The following EPHA3 variants were observed in gnomAD, a reference collection of about 807,000 sequenced individuals.
The protein encoded by EPHA3 is ephrin type-A receptor 3.
EPHA3 carries 42 observed loss-of-function variants against 107.1 expected under a neutral mutation model. That is an observed-to-expected ratio of 0.39 (90% confidence interval 0.31 to 0.51). The LOEUF is 0.51. Ranked by LOEUF, EPHA3 falls within the 20% of genes least tolerant of loss-of-function variation. EPHA3 has a pLI of 0.78. For synonymous variants in EPHA3, 461 were observed against 424.8 expected, an observed-to-expected ratio of 1.09 and a Z score of -1.05; for missense variants, 1,183 against 1,211.2, an observed-to-expected ratio of 0.98 and a Z score of 0.35.
intron 13 of EPHA3, among the ~76,000 whole-genome samples, chr3:89,433,629 A>G (rs73139257): frequency 0.23 from 34,292 of 152,090 alleles, 4,140 homozygotes; most frequent in Non-Finnish European, 0.25. Flanking sequence ...TATTTTTTAA[A>G]AAGTCCTTAG....
intron 5 of EPHA3, among the ~76,000 whole-genome samples, chr3:89,350,997 G>A (rs1463022127): frequency 6.6e-6 from 1 of 151,368 alleles, no homozygotes; most frequent in African/African-American, 2.4e-5. Flanking sequence ...GCTGCGTGTT[G>A]GGAGAACCAC....
Position 89,354,126 on chromosome 3 carries a change from T to C in EPHA3, c.1306+12036T>C, listed in dbSNP as rs1707893805. Among the ~76,000 whole-genome samples the C allele has an allele frequency of 2.6e-5, 4 of 151,298 alleles. No homozygotes were observed. In the Admixed American group the frequency reaches 2.6e-4, roughly 10 times the overall value. On this transcript the variant is annotated intron_variant, in intron 5 of 16. Coordinates refer to ENST00000336596, the MANE Select transcript of EPHA3 (RefSeq NM_005233.6). ...ATTTAATTCACAGAAAGTTTTCTCA[T>C]CCTTATTTTCCAAGGAGAACATTTT...
intron 5 of EPHA3, among the ~76,000 whole-genome samples, chr3:89,350,048 C>T (rs1465499338): frequency 6.6e-6 from 1 of 150,666 alleles, no homozygotes; most frequent in Admixed American, 6.6e-5. Flanking sequence ...CTGCCCTTAA[C>T]ATTTTTTCCT....
At chr3:89,284,509 C>A (rs909243192) in intron 3 of EPHA3, among the ~76,000 whole-genome samples, 29 of 151,952 alleles carry the variant, frequency 1.9e-4, no homozygotes, top group Non-Finnish European at 4.0e-4. Context: ...ATTTTAAAAC[C>A]TTGAGTTTGA....
chr3:89,116,030 G>A (rs1484009217), intron 1 of EPHA3, among the ~76,000 whole-genome samples: 1 of 152,134 alleles, frequency 6.6e-6, no homozygotes, highest in African/African-American at 2.4e-5. Flanking sequence ...TGGAACTGTA[G>A]TTACACTCAT....
intron 10 of EPHA3, among the ~76,000 whole-genome samples, chr3:89,415,346 T>A (rs937077747): frequency 1.3e-5 from 2 of 150,028 alleles, no homozygotes; most frequent in Non-Finnish European, 3.0e-5. Context: ...TTAAAAAAAA[T>A]ATGTTATTTA....
intron 3 of EPHA3, among the ~76,000 whole-genome samples, chr3:89,287,979 G>A (rs1200638396): frequency 1.3e-5 from 2 of 151,892 alleles, no homozygotes; most frequent in African/African-American, 4.8e-5. Flanking sequence ...TACTGTTTCA[G>A]CTACATAGGG....
intron 13 of EPHA3, among the ~76,000 whole-genome samples, chr3:89,443,822 G>A (rs939813262): frequency 6.6e-6 from 1 of 152,104 alleles, no homozygotes; most frequent in African/African-American, 2.4e-5. Context: ...AGGATGGAAT[G>A]ACCAACTCTT....
intron 3 of EPHA3, among the ~76,000 whole-genome samples, chr3:89,280,076 A>G (rs11918639): frequency 2.0e-5 from 3 of 151,822 alleles, no homozygotes; most frequent in African/African-American, 7.3e-5. Context: ...TGCACATGTC[A>G]GAGATGGGAA....
chr3:89,145,791 G>T (rs574423220), intron 2 of EPHA3, among the ~76,000 whole-genome samples: 11 of 151,146 alleles, frequency 7.3e-5, no homozygotes, highest in Non-Finnish European at 1.5e-4. Flanking sequence ...GTCTAGAATC[G>T]ATTTCTCACT....
intron 10 of EPHA3, among the ~76,000 whole-genome samples, chr3:89,413,808 C>T (rs1169148790): frequency 6.6e-6 from 1 of 151,344 alleles, no homozygotes; most frequent in Non-Finnish European, 1.5e-5. Context: ...ATAAATATAC[C>T]TTTGTTCTAA....
chr3:89,426,961 G>C lies in EPHA3; in HGVS notation c.2075-2145G>C, dbSNP rs114831005. The stretch of plus-strand genomic sequence containing the variant: ...CTAGGGAACTGATACTAATTCAGGA[G>C]AGATCTAAGTTTCCAAGGAAATGGT... On this transcript the variant is annotated intron_variant, in intron 11 of 16. Coordinates refer to ENST00000336596, the MANE Select transcript of EPHA3 (RefSeq NM_005233.6). Among the ~76,000 whole-genome samples, 1,471 of 151,926 alleles carry C rather than the reference G, an allele frequency of 9.7e-3. 26 individuals carry two copies. The highest frequency in any genetic ancestry group is 0.034 in the African/African-American group (1,407 of 41,512).
At chr3:89,191,975 T>C (rs1215640554) in intron 2 of EPHA3, among the ~76,000 whole-genome samples, 2 of 152,202 alleles carry the variant, frequency 1.3e-5, no homozygotes, top group Non-Finnish European at 2.9e-5. Context: ...GGTTAAATAG[T>C]AAAACCTTGT....
At chr3:89,354,021 G>A (rs763129838) in intron 5 of EPHA3, among the ~76,000 whole-genome samples, 2 of 151,260 alleles carry the variant, frequency 1.3e-5, no homozygotes, top group South Asian at 4.2e-4. Context: ...GTTAACTAAA[G>A]CACATGGAAA....
At chr3:89,211,729 TTCTTCTTCTTCTCC>T (rs1704095355) in intron 3 of EPHA3, among the ~76,000 whole-genome samples, 1 of 10,294 alleles carries the variant, frequency 9.7e-5, no homozygotes, top group African/African-American at 2.4e-4. Flanking sequence ...CTTCTTTTTC[TTCTTCTTCTTCTCC>T]TTCTTCTTCT....
At chr3:89,265,372 T>A (rs1244607001) in intron 3 of EPHA3, among the ~76,000 whole-genome samples, 4 of 152,142 alleles carry the variant, frequency 2.6e-5, no homozygotes, top group African/African-American at 9.7e-5. Context: ...ATGAAGTTCG[T>A]TAGGTGATAT....
chr3:89,234,528 C>A (rs1458205125), intron 3 of EPHA3, among the ~76,000 whole-genome samples: 1 of 152,102 alleles, frequency 6.6e-6, no homozygotes, highest in Non-Finnish European at 1.5e-5. Context: ...CCACATGGAC[C>A]AATCAAATGT....
chr3:89,231,888 T>A (rs1033973235), intron 3 of EPHA3, among the ~76,000 whole-genome samples: 25 of 152,170 alleles, frequency 1.6e-4, no homozygotes, highest in Non-Finnish European at 3.1e-4. Context: ...TGGACAGTCA[T>A]GTAGAAATGG....
In EPHA3 at chr3:89,270,020, C is replaced by A. The variant is rs566745519; in HGVS notation, c.814+59500C>A. ...TATCTTTAGAATAACACTGGGAATACTAGTAGCTCTTCGATGGGGCTGCCA... is the reference window on the plus strand; with the variant it reads ...TATCTTTAGAATAACACTGGGAATAATAGTAGCTCTTCGATGGGGCTGCCA... On this transcript the variant is annotated intron_variant, in intron 3 of 16. Transcript: ENST00000336596. Among the ~76,000 whole-genome samples, 3 of 151,926 alleles carry A rather than the reference C, an allele frequency of 2.0e-5. No individual in the cohort carries two copies. In the South Asian group the frequency reaches 6.2e-4, roughly 32 times the overall value.
Sources: gnomAD v4.1 joint callset for allele counts (sites outside exome capture counted in the v4.1 genomes callset) on GRCh38, gnomAD v4.1.1 for gene constraint, MANE v1.5 for transcripts, NCBI Gene and HGNC (gene_info 2026-07-23, HGNC 2026-07-21) for gene names.